ARMCX4: variants seen among roughly 807,000 people sequenced by gnomAD.
ARMCX4 encodes the protein armadillo repeat containing X-linked 4.
In ARMCX4, 3 loss-of-function variants were observed where a neutral mutation model predicts 34.7. The ratio of observed to expected loss-of-function variants is 0.09; its 90% confidence interval spans 0.04 to 0.22. ARMCX4 has a LOEUF of 0.22. Among genes scored for constraint, ARMCX4 ranks in the 10% least tolerant of loss-of-function variants. The probability of loss-of-function intolerance (pLI) is 1.00; values close to 1 mark genes in which losing one functional copy is unlikely to be tolerated. For synonymous variants in ARMCX4, 513 were observed against 632.8 expected, an observed-to-expected ratio of 0.81 and a Z score of 2.84; for missense variants, 1,448 against 1,720.8, an observed-to-expected ratio of 0.84 and a Z score of 2.81.
chrX:101,500,985 G>T (rs1383345349), intron 7 of ARMCX4, among the ~76,000 whole-genome samples: 1 of 112,199 alleles, frequency 8.9e-6, no homozygotes, highest in Non-Finnish European at 1.9e-5. Context: ...AGATCCAGGC[G>T]GTTGGCCACA....
chrX:101,500,834 G>A (rs1483027117), intron 7 of ARMCX4, among the ~76,000 whole-genome samples: 2 of 111,451 alleles, frequency 1.8e-5, no homozygotes, highest in African/African-American at 6.5e-5. Context: ...TGGACCACTC[G>A]AACATCCTTC....
chrX:101,477,510 A>T (rs1933255114), intron 4 of ARMCX4, among the ~76,000 whole-genome samples: 1 of 106,070 alleles, frequency 9.4e-6, no homozygotes, highest in Admixed American at 1.0e-4. Context: ...AAAGACAATT[A>T]CTGTGCTCAG....
At chrX:101,433,103 CGCACGTAT>C (rs1930343380) in intron 2 of ARMCX4, among the ~76,000 whole-genome samples, 8 of 106,921 alleles carry the variant, frequency 7.5e-5, no homozygotes, top group African/African-American at 2.4e-4. Context: ...TGTATACATA[CGCACGTAT>C]ACACATGTAT....
At chrX:101,525,505 G>A (rs1337488459) in intron 11 of ARMCX4, among the ~76,000 whole-genome samples, 2 of 111,594 alleles carry the variant, frequency 1.8e-5, no homozygotes, top group Non-Finnish European at 3.8e-5. Context: ...CAGAAGATTG[G>A]TAATAACAAA....
intron 11 of ARMCX4, among the ~76,000 whole-genome samples, chrX:101,515,855 T>G (rs1164176259): frequency 4.5e-5 from 5 of 110,857 alleles, no homozygotes; most frequent in African/African-American, 9.8e-5. Flanking sequence ...TTTTGTGTAT[T>G]TCTACTGCCT....
downstream of ARMCX4, among the ~76,000 whole-genome samples, chrX:101,449,235 T>C (rs1465521318): frequency 8.9e-6 from 1 of 112,285 alleles, no homozygotes; most frequent in Non-Finnish European, 1.9e-5. Flanking sequence ...TCTTGTACTT[T>C]GATATTGGTA....
chrX:101,495,203 C>T lies in ARMCX4; in HGVS notation c.6614C>T (p.Ala2205Val). 1 of 1,147,180 alleles carries T rather than the reference C, an allele frequency of 8.7e-7. No homozygotes were observed. Among genetic ancestry groups the T allele is most frequent in the Admixed American group, 2.6e-5 (1 of 38,730 alleles). The allele number at this position is 1,147,180 out of a possible 1,213,427, so 94.5% of individuals were successfully genotyped here. A position where few individuals can be genotyped will look rare whatever the true frequency, so the allele number is the denominator to read the frequency against. The change falls in exon 6 of 6, where the codon GCA (alanine) becomes GTA (valine). Residue 2205 changes from alanine (A) to valine (V), a missense_variant. By Grantham distance (64) the Ala-to-Val change is moderately conservative. Coordinates refer to ENST00000423738, the MANE Select transcript of ARMCX4 (RefSeq NM_001256155.3). ...SMTKDLLIAN[A>V]PTSLINIFSK... Reference sequence around the variant, plus strand: ...ACAAAAGACTTGCTCATTGCCAATGCACCAACATCACTGATTAACATTTTT... The same window carrying T: ...ACAAAAGACTTGCTCATTGCCAATGTACCAACATCACTGATTAACATTTTT...
intron 2 of ARMCX4, among the ~76,000 whole-genome samples, chrX:101,420,705 G>C (rs1929186159): frequency 8.9e-6 from 1 of 112,435 alleles, no homozygotes; most frequent in South Asian, 3.6e-4. Flanking sequence ...CTGGTTTGAG[G>C]CTATGTGTTC....
intron 4 of ARMCX4, among the ~76,000 whole-genome samples, chrX:101,477,695 G>T (rs1257450065): frequency 2.7e-5 from 3 of 109,444 alleles, no homozygotes; most frequent in Non-Finnish European, 5.7e-5. Context: ...ACTGAAAAAG[G>T]ATGGTACACA....
chrX:101,530,292 C>G (rs1344871262), intron 11 of ARMCX4, among the ~76,000 whole-genome samples: 1 of 111,146 alleles, frequency 9.0e-6, no homozygotes, highest in Non-Finnish European at 1.9e-5. Context: ...AATGAGAACA[C>G]TTGGACACAC....
At chrX:101,432,710 GTATACA>G (rs1930147886) in intron 2 of ARMCX4, among the ~76,000 whole-genome samples, 1 of 104,963 alleles carries the variant, frequency 9.5e-6, no homozygotes, top group South Asian at 3.9e-4. Flanking sequence ...ACATATATAT[GTATACA>G]TATATGTATA....
chrX:101,508,184 C>G (rs1480685522), intron 8 of ARMCX4, among the ~76,000 whole-genome samples: 2 of 112,177 alleles, frequency 1.8e-5, no homozygotes, highest in African/African-American at 6.5e-5. Flanking sequence ...GACTGTATCA[C>G]CGAACAATGC....
intron 8 of ARMCX4, among the ~76,000 whole-genome samples, chrX:101,507,571 T>A (rs1934482127): frequency 9.0e-6 from 1 of 110,539 alleles, no homozygotes; most frequent in African/African-American, 3.3e-5. Context: ...ATTTTCTTAG[T>A]CTCTTTTTCA....
intron 7 of ARMCX4, among the ~76,000 whole-genome samples, chrX:101,501,204 A>G (rs973438087): frequency 2.2e-4 from 25 of 112,774 alleles, no homozygotes; most frequent in African/African-American, 7.1e-4. Flanking sequence ...AAAAAGTGCC[A>G]GCTTTGAGGA....
chrX:101,506,524 A>G (rs891474261), intron 8 of ARMCX4, among the ~76,000 whole-genome samples: 1 of 110,636 alleles, frequency 9.0e-6, no homozygotes, highest in Non-Finnish European at 1.9e-5. Context: ...GTTGAGAGAG[A>G]GAGAGAAAGA....
At chrX:101,420,092 G>T (rs1929144291) in intron 2 of ARMCX4, among the ~76,000 whole-genome samples, 1 of 112,485 alleles carries the variant, frequency 8.9e-6, no homozygotes, top group African/African-American at 3.2e-5. Context: ...GCTGGATGCA[G>T]TGGCTCACGC....
chrX:101,419,055 T>G (rs1236971291), intron 2 of ARMCX4: 1 of 109,527 alleles, frequency 9.1e-6, no homozygotes, highest in Non-Finnish European at 1.9e-5. Flanking sequence ...TTTTTTTTTT[T>G]GCTCACTTTT....
chrX:101,437,138 A>G (rs1438472129), intron 2 of ARMCX4, among the ~76,000 whole-genome samples: 1 of 111,820 alleles, frequency 8.9e-6, no homozygotes, highest in African/African-American at 3.2e-5. Context: ...AGGCTTTGGT[A>G]TCAAGATGAT....
intron 3 of ARMCX4, among the ~76,000 whole-genome samples, chrX:101,445,048 G>C (rs1931541940): frequency 8.9e-6 from 1 of 112,065 alleles, no homozygotes; most frequent in South Asian, 3.7e-4. Flanking sequence ...CTTTATTTGA[G>C]ATTAAATTTA....
Sources: allele counts gnomAD v4.1 joint callset (sites outside exome capture counted in the v4.1 genomes callset), GRCh38; gene constraint gnomAD v4.1.1; transcripts MANE v1.5; gene names NCBI Gene and HGNC (gene_info 2026-07-23, HGNC 2026-07-21).